LPIN1: variants seen among roughly 807,000 people sequenced by gnomAD.
LPIN1 encodes phosphatidate phosphatase LPIN1.
In LPIN1, 71 loss-of-function variants were observed where a neutral mutation model predicts 107.5. The observed-to-expected ratio is 0.66, with a 90% CI of 0.55 to 0.80. The LOEUF (loss-of-function observed/expected upper bound fraction) is 0.80. Among genes scored for constraint, LPIN1 ranks in the 30% least tolerant of loss-of-function variants. LPIN1 has a pLI of 0.00. For synonymous variants in LPIN1, 445 were observed against 452.6 expected (o/e 0.98, Z 0.21); for missense variants, 1,043 against 1,160.6 (o/e 0.90, Z 1.47).
chr2:11,814,188 T>TC (rs1170655827), intron 17 of LPIN1, among the ~76,000 whole-genome samples: 1 of 152,100 alleles, frequency 6.6e-6, no homozygotes, highest in African/African-American at 2.4e-5. Context: ...ACCCGGACAC[T>TC]CTGGAGTCCT....
In LPIN1 at chr2:11,779,594, G is replaced by A. The variant is rs762211942; in HGVS notation, c.906G>A (p.Gln302=). 3 of 1,614,034 alleles carry A rather than the reference G, an allele frequency of 1.9e-6. No homozygotes were observed. Among genetic ancestry groups the A allele is most frequent in the Non-Finnish European group, 2.5e-6 (3 of 1,180,034 alleles). ...GCAAGTCCACGGAAAGGACAGGGCA[G>A]AAGAACCCAGAAATGCTTTGGCTGT... The part of the protein sequence containing the change: ...LVSKSTERTG[Q]KNPEMLWLWG... The change falls in exon 7 of 21, where the codon CAG becomes CAA. Residue 302 remains glutamine, a synonymous_variant. Coordinates refer to ENST00000674199, the MANE Select transcript of LPIN1 (RefSeq NM_001349206.2).
intron 1 of LPIN1, among the ~76,000 whole-genome samples, chr2:11,750,890 G>A (rs1667691092): frequency 6.6e-6 from 1 of 152,194 alleles, no homozygotes. Context: ...CAGAAATAAA[G>A]TTATAAGGGC....
At chr2:11,760,221 C>T (rs1373392660) in intron 1 of LPIN1, among the ~76,000 whole-genome samples, 2 of 152,058 alleles carry the variant, frequency 1.3e-5, no homozygotes, top group Non-Finnish European at 2.9e-5. Context: ...CAGAGGGGCT[C>T]CTCACATCCC....
rs971687480 is a variant in LPIN1 at position 11,713,593 on chromosome 2, G to GT, written c.82-154dup. 8.8e-3 allele frequency among the ~76,000 whole-genome samples: 1,329 copies of GT among 151,746 alleles called. 23 individuals carry two copies. The highest frequency in any genetic ancestry group is 0.028 in the African/African-American group (1,173 of 41,382). On this transcript the variant is annotated intron_variant, in intron 1 of 21. Transcript: ENST00000449576. Reference sequence around the variant, plus strand: ...GTCACACATTCTTCTTCTTAATTTAGTTTTTTTTTAATTGGCATATAGCCT... The same window carrying GT: ...GTCACACATTCTTCTTCTTAATTTAGTTTTTTTTTTAATTGGCATATAGCCT...
At chr2:11,753,132 A>G (rs1668118057) in intron 1 of LPIN1, among the ~76,000 whole-genome samples, 2 of 152,008 alleles carry the variant, frequency 1.3e-5, no homozygotes, top group Admixed American at 1.3e-4. Context: ...CTGGAGGAGG[A>G]GACGCCTGCC....
chr2:11,752,449 T>TTTTTTTTTTTTTTTTTTTTTTTTTTTA, intron 1 of LPIN1, among the ~76,000 whole-genome samples: 1 of 103,314 alleles, frequency 9.7e-6, no homozygotes, highest in African/African-American at 5.3e-5. Context: ...TTTTTTTTTT[T>TTTTTTTTTTTTTTTTTTTTTTTTTTTA]GAGACGGAGT....
intron 1 of LPIN1, among the ~76,000 whole-genome samples, chr2:11,758,032 T>C (rs1404324827): frequency 6.6e-6 from 1 of 152,236 alleles, no homozygotes; most frequent in African/African-American, 2.4e-5. Context: ...TTTGTCCTTT[T>C]GTGACTGGCC....
chr2:11,784,811 C>T, intron 9 of LPIN1, 75 bp from the exon 10 acceptor site: 6 of 1,411,942 alleles, frequency 4.2e-6, no homozygotes, highest in Non-Finnish European at 6.0e-6. Context: ...CGTGCCAGAG[C>T]ATCACTGGAT....
rs543900909 is a variant in LPIN1, at chr2:11,824,555, C to T, written c.2622-77C>T. ...GTCTGCTCCTTGAGGTTGTAGATCT[C>T]TCTTGACTTCTACGTGCAGCCCTGG... On this transcript the variant is annotated intron_variant, in intron 20 of 20. Coordinates refer to ENST00000674199, the MANE Select transcript of LPIN1 (RefSeq NM_001349206.2). 6.7e-6 allele frequency: 10 copies of T among 1,491,740 alleles called. No homozygotes were observed. In the East Asian group the frequency reaches 2.0e-4, roughly 30 times the overall value. 92.4% of individuals were successfully genotyped at this position (1,491,740 alleles called of 1,614,324 possible).
At chr2:11,797,558 T>C (rs1410329603) in intron 14 of LPIN1, among the ~76,000 whole-genome samples, 1 of 152,200 alleles carries the variant, frequency 6.6e-6, no homozygotes, top group Non-Finnish European at 1.5e-5. Context: ...TCAAAGGAGA[T>C]CATTTTGGAA....
intron 1 of LPIN1, among the ~76,000 whole-genome samples, chr2:11,737,580 T>A (rs895151725): frequency 1.3e-5 from 2 of 152,202 alleles, no homozygotes; most frequent in East Asian, 1.9e-4. Context: ...GCAAAGGATA[T>A]GAACAGACAG....
chr2:11,696,842 C>T (rs1157940311), intron 1 of LPIN1, among the ~76,000 whole-genome samples: 1 of 152,252 alleles, frequency 6.6e-6, no homozygotes. Flanking sequence ...CTTTCCCCAC[C>T]ACGTGGGTCT....
Position 11,774,030 on chromosome 2 carries a change from A to G in LPIN1, c.722+285A>G, listed in dbSNP as rs1394546997. Reference sequence around the variant, plus strand: ...TTACATCATGCTAATTGTTAATAGGAGAAAACACAGTGGCAGAGCCTTTCT... The same window carrying G: ...TTACATCATGCTAATTGTTAATAGGGGAAAACACAGTGGCAGAGCCTTTCT... On this transcript the variant is annotated intron_variant, in intron 5 of 20. Transcript: ENST00000674199. The surrounding 1 kb of genome is among the most constrained non-coding windows in gnomAD (Gnocchi z 4.4). Among the ~76,000 whole-genome samples the G allele has an allele frequency of 6.6e-6, 1 of 152,228 alleles. No homozygotes were observed. Among genetic ancestry groups the G allele is most frequent in the African/African-American group, 2.4e-5 (1 of 41,462 alleles).
In LPIN1 at chr2:11,711,990, G is replaced by A. The variant is rs183470064; in HGVS notation, c.82-1766G>A. ...TCCCTTTTTTCTAATTACATAATGTGCTCCAGCAAGAGTTGTTGTTTGAGG... is the reference window on the plus strand; with the variant it reads ...TCCCTTTTTTCTAATTACATAATGTACTCCAGCAAGAGTTGTTGTTTGAGG... On this transcript the variant is annotated intron_variant, in intron 1 of 21. Coordinates refer to the LPIN1 transcript ENST00000449576. 1.7e-4 allele frequency among the ~76,000 whole-genome samples: 26 copies of A among 152,244 alleles called. No individual in the cohort carries two copies. The East Asian group carries it at 4.8e-3, about 28-fold the overall frequency.
intron 1 of LPIN1, among the ~76,000 whole-genome samples, chr2:11,750,598 C>G (rs942275632): frequency 6.6e-6 from 1 of 152,186 alleles, no homozygotes; most frequent in Non-Finnish European, 1.5e-5. Context: ...GGTGCATGTG[C>G]TTTGAAAAGT....
chr2:11,709,244 G>T, intron 1 of LPIN1, among the ~76,000 whole-genome samples: 1 of 152,188 alleles, frequency 6.6e-6, no homozygotes, highest in East Asian at 1.9e-4. Context: ...GGCTACCAAA[G>T]AAAGGGGGTA....
At chr2:11,791,777 G>C (rs538188237) in intron 12 of LPIN1, 137 bp from the exon 13 acceptor site, 1 of 1,472,016 alleles carries the variant, frequency 6.8e-7, no homozygotes, top group African/African-American at 1.4e-5. Flanking sequence ...AATTTTTAAC[G>C]CACAAATAGT....
intron 1 of LPIN1, among the ~76,000 whole-genome samples, chr2:11,713,236 C>T (rs1424576448): frequency 1.3e-5 from 2 of 152,216 alleles, no homozygotes. Flanking sequence ...GTAATTGACA[C>T]ATCATAGTTG....
chr2:11,724,043 A>G (rs564597734), upstream of LPIN1: 1 of 152,334 alleles, frequency 6.6e-6, no homozygotes, highest in South Asian at 2.1e-4. Flanking sequence ...ATTCTGAATT[A>G]AAAATCTCTT....
Sources: gnomAD v4.1 joint callset for allele counts (sites outside exome capture counted in the v4.1 genomes callset) on GRCh38, gnomAD v4.1.1 for gene constraint, Gnocchi (gnomAD v3.1) non-coding constraint, MANE v1.5 for transcripts, NCBI Gene and HGNC (gene_info 2026-07-23, HGNC 2026-07-21) for gene names.